OTUD7A: variants seen among roughly 807,000 people sequenced by gnomAD.
The protein encoded by OTUD7A is OTU deubiquitinase 7A, also known as OTU domain-containing protein 7A.
A neutral mutation model predicts 65.7 loss-of-function variants in OTUD7A; 12 were observed. The observed-to-expected ratio is 0.18, with a 90% CI of 0.12 to 0.30. OTUD7A has a LOEUF of 0.30. Ranked by LOEUF, OTUD7A falls within the 10% of genes least tolerant of loss-of-function variation. The pLI, the probability that OTUD7A is intolerant of heterozygous loss-of-function variation, is 1.00. For synonymous variants in OTUD7A, 641 were observed against 586.3 expected (o/e 1.09, Z -1.35); for missense variants, 1,148 against 1,304.8 (o/e 0.88, Z 1.85).
At chr15:31,645,293 G>A (rs28399818) in intron 3 of OTUD7A, among the ~76,000 whole-genome samples, 43,651 of 152,100 alleles carry the variant, frequency 0.29, 7,396 homozygotes, top group African/African-American at 0.47. Flanking sequence ...TATCATATTT[G>A]TCTTTTTCTT....
intron 5 of OTUD7A, among the ~76,000 whole-genome samples, chr15:31,541,735 C>T (rs1203820415): frequency 6.6e-6 from 1 of 152,120 alleles, no homozygotes; most frequent in Non-Finnish European, 1.5e-5. Context: ...TGTTTAATCA[C>T]TTCATAAGAA....
At chr15:31,592,565 C>T (rs1206217870) in intron 3 of OTUD7A, among the ~76,000 whole-genome samples, 2 of 151,808 alleles carry the variant, frequency 1.3e-5, no homozygotes, top group Admixed American at 6.6e-5. Context: ...CTGCCTGAGG[C>T]CATTTTACAT....
chr15:31,694,508 TTAAGGATA>T (rs1893030076), intron 1 of OTUD7A, among the ~76,000 whole-genome samples: 1 of 152,226 alleles, frequency 6.6e-6, no homozygotes, highest in African/African-American at 2.4e-5. Flanking sequence ...TCAAGAATTT[TTAAGGATA>T]CATCGTTACA....
intron 5 of OTUD7A, among the ~76,000 whole-genome samples, chr15:31,548,205 TCATCTGTGGGCGCCCTGG>T: frequency 1.5e-5 from 1 of 66,990 alleles, no homozygotes; most frequent in African/African-American, 3.4e-5. Context: ...GCCACCCCCA[TCATCTGTGGGCGCCCTGG>T]GCCACCCCCC....
intron 6 of OTUD7A, among the ~76,000 whole-genome samples, chr15:31,529,757 G>A (rs1359838790): frequency 2.0e-5 from 3 of 152,340 alleles, no homozygotes; most frequent in Middle Eastern, 3.4e-3. Flanking sequence ...CAAAGAGAGA[G>A]AGGTCTGGGG....
At chr15:31,799,939 C>A (rs144625406) in intron 1 of OTUD7A, among the ~76,000 whole-genome samples, 3 of 152,136 alleles carry the variant, frequency 2.0e-5, no homozygotes. Flanking sequence ...CCAAACTTTT[C>A]TTCAGGTGAA....
At chr15:31,542,724 A>C (rs1888020406) in intron 5 of OTUD7A, among the ~76,000 whole-genome samples, 1 of 151,886 alleles carries the variant, frequency 6.6e-6, no homozygotes, top group African/African-American at 2.4e-5. Context: ...CAGGGAGAAA[A>C]GATGTTAAAG....
At chr15:31,493,256 T>C (rs1273368263) in intron 10 of OTUD7A, among the ~76,000 whole-genome samples, 3 of 152,060 alleles carry the variant, frequency 2.0e-5, no homozygotes, top group Non-Finnish European at 2.9e-5. Context: ...TATGTCAAAG[T>C]AGGCTCCACA....
At chr15:31,515,963 C>A (rs2041847135) in intron 8 of OTUD7A, among the ~76,000 whole-genome samples, 1 of 152,176 alleles carries the variant, frequency 6.6e-6, no homozygotes, top group Non-Finnish European at 1.5e-5. Context: ...TCCACCCACC[C>A]ACCTACGCAC....
chr15:31,698,477 T>C (rs1421640418), intron 1 of OTUD7A, among the ~76,000 whole-genome samples: 1 of 152,172 alleles, frequency 6.6e-6, no homozygotes, highest in Non-Finnish European at 1.5e-5. Flanking sequence ...TGTTGGAGAT[T>C]TGTTAAAAAT....
At chr15:31,652,555 T>C (rs1280913020) in intron 3 of OTUD7A, among the ~76,000 whole-genome samples, 3 of 152,276 alleles carry the variant, frequency 2.0e-5, no homozygotes, top group East Asian at 1.9e-4. Context: ...CAAGCACAGA[T>C]TGGGAGAAGA....
intron 1 of OTUD7A, among the ~76,000 whole-genome samples, chr15:31,822,642 AC>A (rs1896711214): frequency 6.6e-6 from 1 of 152,142 alleles, no homozygotes; most frequent in African/African-American, 2.4e-5. Flanking sequence ...TTCACAGAAA[AC>A]TTTCTTTAAA....
chr15:31,612,517 T>A lies in OTUD7A; in HGVS notation c.152-42320A>T, dbSNP rs1332423867. Reference sequence around the variant, plus strand: ...ATACCAAGAGTGACCAAGCGGATAATCAAATCAAGAACTCAACCCCTTTTA... The same window carrying A: ...ATACCAAGAGTGACCAAGCGGATAAACAAATCAAGAACTCAACCCCTTTTA... On this transcript the variant is annotated intron_variant, in intron 3 of 12. Coordinates refer to ENST00000307050, the MANE Select transcript of OTUD7A (RefSeq NM_001382637.1). 2.6e-5 allele frequency among the ~76,000 whole-genome samples: 4 copies of A among 151,888 alleles called. No individual in the cohort carries two copies. In the East Asian group the frequency reaches 5.8e-4, roughly 22 times the overall value.
At chr15:31,531,018 T>C (rs1887602859) in intron 5 of OTUD7A, among the ~76,000 whole-genome samples, 1 of 152,234 alleles carries the variant, frequency 6.6e-6, no homozygotes, top group Non-Finnish European at 1.5e-5. Flanking sequence ...TCAATTAGCA[T>C]GAGCATTAAG....
chr15:31,590,924 G>T (rs1337131954), intron 3 of OTUD7A, among the ~76,000 whole-genome samples: 1 of 152,180 alleles, frequency 6.6e-6, no homozygotes, highest in Non-Finnish European at 1.5e-5. Flanking sequence ...ATCCTTGGGT[G>T]CTGATAGCAT....
In OTUD7A at chr15:31,693,646, G is replaced by A. The variant is rs201848573; in HGVS notation, c.-99-36569C>T. 8.8e-4 allele frequency among the ~76,000 whole-genome samples: 134 copies of A among 152,236 alleles called. No individual in the cohort carries two copies. The East Asian group carries it at 8.9e-3, about 10-fold the overall frequency. ...AGTGTGCTAACGCTGTGGACACACC[G>A]CGTGTCTGGGGCGCTCCAGGTGAGA... On this transcript the variant is annotated intron_variant, in intron 1 of 12. Coordinates refer to ENST00000307050, the MANE Select transcript of OTUD7A (RefSeq NM_001382637.1).
At chr15:31,592,162 C>T (rs1413523344) in intron 3 of OTUD7A, among the ~76,000 whole-genome samples, 1 of 152,172 alleles carries the variant, frequency 6.6e-6, no homozygotes, top group Non-Finnish European at 1.5e-5. Context: ...CTGTACACTA[C>T]TGTAGACTTC....
At chr15:31,568,039 G>C (rs758206816) in intron 4 of OTUD7A, among the ~76,000 whole-genome samples, 45 of 152,258 alleles carry the variant, frequency 3.0e-4, no homozygotes, top group Admixed American at 2.0e-3. Flanking sequence ...GTGCCAAGGG[G>C]AAATGTGAGG....
chr15:31,485,354 A>G lies in OTUD7A; in HGVS notation c.1372-630T>C, dbSNP rs146648280. ...CACCCCCTTGATTCAGGGATGCCAA[A>G]TCGCTTCAGGAGTTCCTTTCTCACT... is the stretch of plus-strand genomic sequence containing the variant. On this transcript the variant is annotated intron_variant, in intron 12 of 12. Transcript: ENST00000307050. Among the ~76,000 whole-genome samples, 414 of 152,348 alleles carry G rather than the reference A, an allele frequency of 2.7e-3. 4 individuals carry two copies. The highest frequency in any genetic ancestry group is 9.2e-3 in the African/African-American group (383 of 41,578).
Sources: gnomAD v4.1 joint callset for allele counts (sites outside exome capture counted in the v4.1 genomes callset) on GRCh38, gnomAD v4.1.1 for gene constraint, MANE v1.5 for transcripts, NCBI Gene and HGNC (gene_info 2026-07-23, HGNC 2026-07-21) for gene names.